The following CPAMD8 variants were observed in gnomAD, a reference collection of about 807,000 sequenced individuals.
The protein encoded by CPAMD8 is C3 and PZP like alpha-2-macroglobulin domain containing 8.
Under a neutral mutation model 224.7 loss-of-function variants are expected in CPAMD8, and 146 were observed. That is an observed-to-expected ratio of 0.65 (90% CI 0.57 to 0.75). CPAMD8 has a LOEUF of 0.75. Among genes scored for constraint, CPAMD8 ranks in the 30% least tolerant of loss-of-function variants. The probability of loss-of-function intolerance (pLI) is 0.00; values close to 1 mark genes in which losing one functional copy is unlikely to be tolerated. For missense variants in CPAMD8, 2,301 were observed against 2,537.5 expected (o/e 0.91, Z 2.00); for synonymous variants, 966 against 1,044.6 (o/e 0.92, Z 1.45).
rs113277555 is a variant in CPAMD8, at chr19:16,895,901, A to G, written c.5426+275T>C. ...GACCCGTATGCGCGCGCGCGCGCGC[A>G]CGCACACACACACACACACACACAC... On this transcript the variant is annotated intron_variant, in intron 41 of 41. Transcript: ENST00000443236. The G allele has an allele frequency of 3.7e-4, 200 of 546,534 alleles. 1 individual carries two copies. Among genetic ancestry groups the G allele is most frequent in the African/African-American group, 3.1e-3 (145 of 46,684 alleles). The allele number at this position is 546,534 out of a possible 1,614,324, so 33.9% of individuals were successfully genotyped here. A position where few individuals can be genotyped will look rare whatever the true frequency, so the allele number is the denominator to read the frequency against.
At chr19:16,957,778 G>A (rs558014877) in intron 19 of CPAMD8, 75 bp downstream of exon 19, 40 of 1,413,382 alleles carry the variant, frequency 2.8e-5, no homozygotes, top group East Asian at 1.4e-4. Flanking sequence ...CCATCTCACC[G>A]GAGGCTCTCT....
intron 8 of CPAMD8, among the ~76,000 whole-genome samples, chr19:17,003,853 G>A (rs555792355): frequency 2.3e-4 from 35 of 150,400 alleles, no homozygotes; most frequent in Admixed American, 7.3e-4. Context: ...CTCAGTAAAC[G>A]GGGACTCATG....
intron 13 of CPAMD8, among the ~76,000 whole-genome samples, chr19:16,981,781 G>C (rs1044731881): frequency 1.3e-5 from 2 of 152,232 alleles, no homozygotes; most frequent in African/African-American, 4.8e-5. Flanking sequence ...GATATCTGGA[G>C]TAGGGGAAGA....
chr19:17,011,057 G>C (rs1046824291), intron 5 of CPAMD8, among the ~76,000 whole-genome samples: 1 of 152,088 alleles, frequency 6.6e-6, no homozygotes, highest in Non-Finnish European at 1.5e-5. Context: ...AGCCGGGCGT[G>C]GTGGTGGGCA....
In CPAMD8 at chr19:16,898,092, G is replaced by T. The variant is rs2052102179; in HGVS notation, c.4849-98C>A. 5.4e-6 allele frequency: 4 copies of T among 743,382 alleles called. No individual in the cohort carries two copies. The highest frequency in any genetic ancestry group is 8.9e-6 in the Non-Finnish European group (4 of 449,908). 46.0% of individuals were successfully genotyped at this position (743,382 alleles called of 1,614,324 possible). A position where few individuals can be genotyped will look rare whatever the true frequency, so the allele number is the denominator to read the frequency against. On this transcript the variant is annotated intron_variant, in intron 37 of 41. Transcript: ENST00000443236. The surrounding 1 kb of genome is among the most constrained non-coding windows in gnomAD (Gnocchi z 4.2). The stretch of plus-strand genomic sequence containing the variant: ...GGCTGATTTCAGGGATACCCAGGAC[G>T]CGTGAAACACAGAAGAAACGTGATC...
At chr19:16,936,026 C>G (rs974976071) in intron 23 of CPAMD8, among the ~76,000 whole-genome samples, 2 of 151,766 alleles carry the variant, frequency 1.3e-5, no homozygotes, top group African/African-American at 4.8e-5. Flanking sequence ...CTCTCAGGGT[C>G]AAGCAATCCT....
At chr19:16,944,411 T>A (rs2054003670) in intron 22 of CPAMD8, among the ~76,000 whole-genome samples, 1 of 152,128 alleles carries the variant, frequency 6.6e-6, no homozygotes, top group South Asian at 2.1e-4. Flanking sequence ...GAGGAAAGGC[T>A]CCAGGGAAGG....
chr19:16,947,026 T>G (rs2054124574), intron 21 of CPAMD8, 48 bp downstream of exon 21: 1 of 1,540,644 alleles, frequency 6.5e-7, no homozygotes, highest in Non-Finnish European at 8.8e-7. Flanking sequence ...CCAGGACACT[T>G]TTGTGGCCTG....
chr19:16,932,543 A>G (rs1222400598), intron 23 of CPAMD8, among the ~76,000 whole-genome samples: 1 of 150,022 alleles, frequency 6.7e-6, no homozygotes, highest in Non-Finnish European at 1.5e-5. Flanking sequence ...GAAACTGAAG[A>G]ATTCATTAAA....
intron 3 of CPAMD8, among the ~76,000 whole-genome samples, chr19:17,017,738 G>A (rs1434993027): frequency 6.6e-6 from 1 of 152,164 alleles, no homozygotes. Context: ...ATCATCAAAT[G>A]TAATGGAGGG....
chr19:16,976,702 T>C (rs938930679), intron 15 of CPAMD8, among the ~76,000 whole-genome samples: 3 of 151,668 alleles, frequency 2.0e-5, no homozygotes, highest in African/African-American at 4.9e-5. Context: ...CAGGCAGAGA[T>C]GGGAAGGCAG....
chr19:16,961,675 A>G (rs558516473), intron 18 of CPAMD8, among the ~76,000 whole-genome samples: 99 of 152,216 alleles, frequency 6.5e-4, no homozygotes, highest in Non-Finnish European at 1.1e-3. Context: ...TTCTCCCAGC[A>G]TGGCGTTTCA....
intron 7 of CPAMD8, 28 bp from the exon 8 acceptor site, chr19:17,004,414 T>C (rs1183927844): frequency 6.8e-7 from 1 of 1,464,870 alleles, no homozygotes. Context: ...GCAAGGGCTT[T>C]TTCAGAGAGC....
intron 3 of CPAMD8, among the ~76,000 whole-genome samples, chr19:17,015,490 G>A (rs558059148): frequency 3.3e-5 from 5 of 152,190 alleles, no homozygotes; most frequent in Admixed American, 6.6e-5. Context: ...CACGGGGTCC[G>A]TCCCAGCCCT....
At chr19:16,972,726 G>A (rs1211468809) in intron 17 of CPAMD8, among the ~76,000 whole-genome samples, 4 of 152,064 alleles carry the variant, frequency 2.6e-5, no homozygotes, top group Admixed American at 1.3e-4. Context: ...GAGCCACCGC[G>A]CCCAGCCTTT....
chr19:16,967,295 C>T (rs990177003), intron 18 of CPAMD8, among the ~76,000 whole-genome samples: 2 of 146,426 alleles, frequency 1.4e-5, no homozygotes, highest in Non-Finnish European at 3.0e-5. Context: ...ACAATGAGAA[C>T]ACCTGGACAC....
rs1226686856 is a variant in CPAMD8, at chr19:16,899,978, C to T, written c.4774-429G>A. Reference sequence around the variant, plus strand: ...CTCTGAATTGACCACATCCTCATCCCCTGGTGCTCCGTGCAGCCTCCTTGG... The same window carrying T: ...CTCTGAATTGACCACATCCTCATCCTCTGGTGCTCCGTGCAGCCTCCTTGG... On this transcript the variant is annotated intron_variant, in intron 36 of 41. Transcript: ENST00000443236. The surrounding 1 kb of genome is among the most constrained non-coding windows in gnomAD (Gnocchi z 5.4). Among the ~76,000 whole-genome samples the T allele has an allele frequency of 6.6e-6, 1 of 151,970 alleles. No individual in the cohort carries two copies. The highest frequency in any genetic ancestry group is 1.5e-5 in the Non-Finnish European group (1 of 67,982).
At chr19:16,984,498 G>A (rs1452218455) in intron 13 of CPAMD8, among the ~76,000 whole-genome samples, 1 of 152,046 alleles carries the variant, frequency 6.6e-6, no homozygotes, top group East Asian at 1.9e-4. Context: ...TGGTTTCTTT[G>A]AGATGTGGCA....
At chr19:16,901,390 T>C in intron 35 of CPAMD8, 93 bp from the exon 36 acceptor site, 1 of 869,726 alleles carries the variant, frequency 1.1e-6, no homozygotes, top group Non-Finnish European at 1.9e-6. Flanking sequence ...ACACAGCTGA[T>C]GTCCCAGGAA....
Sources: gnomAD v4.1 joint callset for allele counts (sites outside exome capture counted in the v4.1 genomes callset) on GRCh38, gnomAD v4.1.1 for gene constraint, Gnocchi (gnomAD v3.1) non-coding constraint, MANE v1.5 for transcripts, NCBI Gene and HGNC (gene_info 2026-07-23, HGNC 2026-07-21) for gene names.